WWOX: variants seen among roughly 807,000 people sequenced by gnomAD.
WWOX encodes the protein WW domain containing oxidoreductase.
Under a neutral mutation model 46.2 loss-of-function variants are expected in WWOX, and 69 were observed. The observed-to-expected ratio is 1.49, with a 90% CI of 1.23 to 1.82. The LOEUF (loss-of-function observed/expected upper bound fraction) is 1.82, where lower values mean the gene tolerates loss of function less well. Ranked by LOEUF, WWOX falls within the 40% of genes most tolerant of loss-of-function variation. WWOX has a pLI of 0.00. For missense variants in WWOX, 919 were observed against 542.6 expected (o/e 1.69, Z -6.89); for synonymous variants, 359 against 202.6 (o/e 1.77, Z -6.56).
intron 8 of WWOX, among the ~76,000 whole-genome samples, chr16:78,667,320 T>A (rs1409298254): frequency 6.6e-6 from 1 of 152,220 alleles, no homozygotes; most frequent in Non-Finnish European, 1.5e-5. Context: ...GACATTTTTA[T>A]TGAATGGGTT....
chr16:78,892,250 A>T (rs1158626729), intron 8 of WWOX: 3 of 152,208 alleles, frequency 2.0e-5, no homozygotes, highest in African/African-American at 7.2e-5. Context: ...GCTCCTCTTT[A>T]ATCTCAAGAG....
At chr16:78,794,389 T>C (rs1332952654) in intron 8 of WWOX, among the ~76,000 whole-genome samples, 2 of 151,996 alleles carry the variant, frequency 1.3e-5, no homozygotes, top group African/African-American at 2.4e-5. Flanking sequence ...AACAAACAAA[T>C]AAACAAAAAA....
chr16:78,406,155 C>T (rs1014581912), intron 6 of WWOX, among the ~76,000 whole-genome samples: 4 of 151,172 alleles, frequency 2.6e-5, no homozygotes, highest in African/African-American at 4.9e-5. Flanking sequence ...CCAACTATAT[C>T]GTCATTTTTG....
At chr16:78,993,543 G>A (rs1453237666) in intron 8 of WWOX, among the ~76,000 whole-genome samples, 1 of 152,192 alleles carries the variant, frequency 6.6e-6, no homozygotes, top group Non-Finnish European at 1.5e-5. Context: ...GACTATTACA[G>A]TGTTATCAGC....
At chr16:78,780,995 G>A (rs1178211845) in intron 8 of WWOX, among the ~76,000 whole-genome samples, 5 of 152,168 alleles carry the variant, frequency 3.3e-5, no homozygotes, top group Non-Finnish European at 4.4e-5. Context: ...TGGTGTGGCC[G>A]AAGGAGTGCC....
At chr16:79,017,846 T>C (rs921204693) in intron 8 of WWOX, among the ~76,000 whole-genome samples, 1 of 152,200 alleles carries the variant, frequency 6.6e-6, no homozygotes, top group Non-Finnish European at 1.5e-5. Flanking sequence ...ATAAACAGGC[T>C]GGTGGGCTGG....
intron 8 of WWOX, among the ~76,000 whole-genome samples, chr16:78,763,729 C>G (rs1174170869): frequency 6.6e-6 from 1 of 152,162 alleles, no homozygotes; most frequent in Non-Finnish European, 1.5e-5. Flanking sequence ...CGAGTTTTGT[C>G]TCAATTCCTT....
intron 8 of WWOX, among the ~76,000 whole-genome samples, chr16:78,523,996 T>C (rs781344780): frequency 1.6e-4 from 24 of 152,228 alleles, no homozygotes; most frequent in Non-Finnish European, 2.6e-4. Context: ...AAATACACAA[T>C]TCACTTAGGA....
intron 8 of WWOX, among the ~76,000 whole-genome samples, chr16:78,549,438 T>TA (rs1267048013): frequency 6.6e-6 from 1 of 152,210 alleles, no homozygotes; most frequent in Non-Finnish European, 1.5e-5. Flanking sequence ...TTCCCCCCTT[T>TA]AATCTCTTCA....
At chr16:78,263,257 C>T (rs2079285804) in intron 5 of WWOX, among the ~76,000 whole-genome samples, 1 of 152,212 alleles carries the variant, frequency 6.6e-6, no homozygotes, top group African/African-American at 2.4e-5. Context: ...GTCCTCTCAG[C>T]AAGACCAGGA....
At chr16:78,378,112 C>A (rs919123272) in intron 5 of WWOX, among the ~76,000 whole-genome samples, 48 of 151,990 alleles carry the variant, frequency 3.2e-4, no homozygotes, top group African/African-American at 1.1e-3. Context: ...CCCTGCGTCC[C>A]CCCGCCCTGC....
chr16:78,466,119 C>T (rs529150679), intron 8 of WWOX, among the ~76,000 whole-genome samples: 2 of 152,146 alleles, frequency 1.3e-5, no homozygotes, highest in African/African-American at 2.4e-5. Context: ...GCAAGCTCCG[C>T]CTCCCAGGTT....
intron 8 of WWOX, among the ~76,000 whole-genome samples, chr16:78,810,083 T>G (rs995939681): frequency 5.3e-5 from 8 of 152,192 alleles, no homozygotes; most frequent in Non-Finnish European, 1.2e-4. Flanking sequence ...GATGGAAATT[T>G]CCAGACCTAA....
intron 8 of WWOX, among the ~76,000 whole-genome samples, chr16:78,950,274 G>A (rs181367974): frequency 1.3e-5 from 2 of 152,270 alleles, no homozygotes; most frequent in African/African-American, 4.8e-5. Context: ...TGATGTGTGT[G>A]CCTTTGGAGT....
At chr16:78,172,357 T>C (rs1328075462) in intron 5 of WWOX, among the ~76,000 whole-genome samples, 2 of 152,206 alleles carry the variant, frequency 1.3e-5, no homozygotes, top group Non-Finnish European at 2.9e-5. Context: ...CTATTTGACC[T>C]TTCTTGTCAC....
chr16:79,062,725 G>A (rs909687642), intron 8 of WWOX, among the ~76,000 whole-genome samples: 1 of 152,130 alleles, frequency 6.6e-6, no homozygotes, highest in African/African-American at 2.4e-5. Flanking sequence ...TCAGCCTGAG[G>A]AGGAAGGTGG....
chr16:78,894,261 C>G, intron 8 of WWOX, among the ~76,000 whole-genome samples: 1 of 152,040 alleles, frequency 6.6e-6, no homozygotes, highest in Non-Finnish European at 1.5e-5. Context: ...AAGAGTTATA[C>G]AACACATACA....
intron 8 of WWOX, among the ~76,000 whole-genome samples, chr16:78,693,246 T>A (rs747125766): frequency 6.6e-5 from 10 of 152,166 alleles, no homozygotes; most frequent in Non-Finnish European, 1.2e-4. Flanking sequence ...CACCTCATGG[T>A]TTTTACTATG....
chr16:78,762,191 C>A (rs1300228516), intron 8 of WWOX, among the ~76,000 whole-genome samples: 2 of 152,152 alleles, frequency 1.3e-5, no homozygotes, highest in Non-Finnish European at 2.9e-5. Flanking sequence ...ACCAAAATCA[C>A]AGACCCAGGA....
Sources: allele counts gnomAD v4.1 joint callset (sites outside exome capture counted in the v4.1 genomes callset), GRCh38; gene constraint gnomAD v4.1.1; transcripts MANE v1.5; gene names NCBI Gene and HGNC (gene_info 2026-07-23, HGNC 2026-07-21).